The following UBE2O variants were observed in gnomAD, a reference collection of about 807,000 sequenced individuals.
The protein encoded by UBE2O is ubiquitin conjugating enzyme E2 O.
UBE2O carries 15 observed loss-of-function variants against 125.8 expected under a neutral mutation model. The observed-to-expected ratio is 0.12, with a 90% CI of 0.08 to 0.18. UBE2O has a LOEUF of 0.18. Among genes scored for constraint, UBE2O ranks in the 10% least tolerant of loss-of-function variants. UBE2O has a pLI of 1.00. For missense variants in UBE2O, 1,280 were observed against 1,723.6 expected (o/e 0.74, Z 4.56); for synonymous variants, 708 against 703.2 (o/e 1.01, Z -0.11).
rs762364751 is a variant in UBE2O at position 76,404,048 on chromosome 17, A to G, written c.588+1158T>C. Among the ~76,000 whole-genome samples, 10 of 152,366 alleles carry G rather than the reference A, an allele frequency of 6.6e-5. No individual in the cohort carries two copies. In the South Asian group the frequency reaches 1.0e-3, roughly 16 times the overall value. Reference sequence around the variant, plus strand: ...AGGGCAGAAGATAAAGCTCTTCTACAGAGCAGAATGCCAGCTAAAAGAAAT... The same window carrying G: ...AGGGCAGAAGATAAAGCTCTTCTACGGAGCAGAATGCCAGCTAAAAGAAAT... On this transcript the variant is annotated intron_variant, in intron 3 of 17. Transcript: ENST00000319380. The surrounding 1 kb of genome is among the most constrained non-coding windows in gnomAD (Gnocchi z 4.3).
intron 1 of UBE2O, among the ~76,000 whole-genome samples, chr17:76,408,104 CA>C (rs889031858): frequency 1.3e-5 from 2 of 152,164 alleles, no homozygotes; most frequent in Non-Finnish European, 2.9e-5. Context: ...TGGCTTTCTC[CA>C]AATAAGCCCA....
At chr17:76,416,114 CAT>C (rs1419484364) in intron 1 of UBE2O, among the ~76,000 whole-genome samples, 20 of 150,724 alleles carry the variant, frequency 1.3e-4, no homozygotes, top group African/African-American at 3.4e-4. Flanking sequence ...TATGTGTATA[CAT>C]ATATACATAT....
At chr17:76,406,824 C>T (rs897331594) in intron 1 of UBE2O, among the ~76,000 whole-genome samples, 8 of 151,602 alleles carry the variant, frequency 5.3e-5, no homozygotes, top group South Asian at 2.1e-4. Flanking sequence ...CTCAGCCTCC[C>T]GAGTAGGTGG....
In UBE2O at chr17:76,399,924, G is replaced by A. The variant is rs759381468; in HGVS notation, c.1156-3C>T. 6 of 1,595,786 alleles carry A rather than the reference G, an allele frequency of 3.8e-6. No homozygotes were observed. In the South Asian group the frequency reaches 4.6e-5, roughly 12 times the overall value. ...TGCTTCTTCAACAGGCGCTTCACCT[G>A]CAAGGGCGGAGCAGAGAGGACAGGG... On this transcript the variant is annotated splice_polypyrimidine_tract_variant and splice_region_variant and intron_variant, in intron 8 of 17. Coordinates refer to ENST00000319380, the MANE Select transcript of UBE2O (RefSeq NM_022066.4). This position sits in a 1 kb window ranked among gnomAD's most constrained non-coding sequence, Gnocchi z 6.9.
chr17:76,450,623 T>C (rs918149449), intron 1 of UBE2O, among the ~76,000 whole-genome samples: 3 of 151,958 alleles, frequency 2.0e-5, no homozygotes, highest in Admixed American at 6.6e-5. Flanking sequence ...TTGTTGTTTT[T>C]TTTTTCTTTT....
At chr17:76,425,187 T>C (rs2072787261) in intron 1 of UBE2O, among the ~76,000 whole-genome samples, 1 of 146,980 alleles carries the variant, frequency 6.8e-6, no homozygotes, top group South Asian at 2.1e-4. Context: ...TTTCTTTTAA[T>C]GTTTTTAAAA....
rs926647344 is a variant in UBE2O, at chr17:76,402,430, C to T, written c.686+172G>A. The stretch of plus-strand genomic sequence containing the variant: ...CAGAAACTGAGCAACAGAAATAGGC[C>T]ACGGCAGATAAGGAGAACGGTACAG... On this transcript the variant is annotated intron_variant, in intron 4 of 17. Transcript: ENST00000319380. The surrounding 1 kb of genome is among the most constrained non-coding windows in gnomAD (Gnocchi z 5.4). 5.3e-5 allele frequency among the ~76,000 whole-genome samples: 8 copies of T among 152,142 alleles called. No individual in the cohort carries two copies. The highest frequency in any genetic ancestry group is 3.9e-4 in the Admixed American group (6 of 15,270).
At position 76,399,704 on chromosome 17, in the gene UBE2O, T is replaced by C; in HGVS notation, c.1373A>G (p.Glu458Gly). The change falls in exon 9 of 18, where the codon GAG becomes GGG. Residue 458 changes from glutamate to glycine, a missense_variant. Around this residue, in one of 10 missense-constraint regions of UBE2O, gnomAD observed 141 missense variants for 141.3 expected, o/e 1.00. Coordinates refer to ENST00000319380, the MANE Select transcript of UBE2O (RefSeq NM_022066.4). This position sits in a 1 kb window ranked among gnomAD's most constrained non-coding sequence, Gnocchi z 6.9. ...TTTTAGCAGGAATGGGGGCAGCTGC[T>C]CTCCTGCCTCGTGGGGCTCCTCTGC... ...EGAEEPHEAGEQLPPFLLKEG... is the reference protein window; with the variant it reads ...EGAEEPHEAGGQLPPFLLKEG... 6.2e-7 allele frequency: 1 copy of C among 1,614,118 alleles called. No individual in the cohort carries two copies.
Position 76,405,711 on chromosome 17 carries a change from C to A in UBE2O, c.418-139G>T, listed in dbSNP as rs1444248893. 2.7e-6 allele frequency: 2 copies of A among 746,094 alleles called. No individual in the cohort carries two copies. The highest frequency in any genetic ancestry group is 4.4e-6 in the Non-Finnish European group (2 of 450,528). The allele number at this position is 746,094 out of a possible 1,614,324, so 46.2% of individuals were successfully genotyped here. On this transcript the variant is annotated intron_variant, in intron 1 of 17. Transcript: ENST00000319380. The surrounding 1 kb of genome is among the most constrained non-coding windows in gnomAD (Gnocchi z 6.1). Reference sequence around the variant, plus strand: ...CTAAGCGTTTGGCTAGCAGTATCTTCACAGACCGCACACACCTCCGACCAG... The same window carrying A: ...CTAAGCGTTTGGCTAGCAGTATCTTAACAGACCGCACACACCTCCGACCAG...
At chr17:76,422,169 G>A (rs972044097) in intron 1 of UBE2O, among the ~76,000 whole-genome samples, 16 of 152,266 alleles carry the variant, frequency 1.1e-4, no homozygotes, top group East Asian at 5.8e-4. Flanking sequence ...CTCTCTCTCC[G>A]GCTTTTCCTC....
rs182922939 is a variant in UBE2O at position 76,395,382 on chromosome 17, C to T, written c.2946+343G>A. 683 of 161,898 alleles carry T rather than the reference C, an allele frequency of 4.2e-3. 11 individuals carry two copies. Among genetic ancestry groups the T allele is most frequent in the African/African-American group, 0.016 (640 of 40,840 alleles). 10.0% of individuals were successfully genotyped at this position (161,898 alleles called of 1,614,324 possible). ...ATTTTTTTTTTTTTTTTAGTGGAGA[C>T]GGGGTTTCACTGTGTTAGCCAGGAT... On this transcript the variant is annotated intron_variant, in intron 15 of 17. Transcript: ENST00000319380. This position sits in a 1 kb window ranked among gnomAD's most constrained non-coding sequence, Gnocchi z 5.0.
At position 76,398,541 on chromosome 17, in the gene UBE2O, A is replaced by C; in HGVS notation, c.1827T>G (p.Ser609=). 1.9e-6 allele frequency: 3 copies of C among 1,614,118 alleles called. 1 individual carries two copies. Among genetic ancestry groups the C allele is most frequent in the Non-Finnish European group, 1.7e-6 (2 of 1,180,020 alleles). ...TGCAGGTACGGCCGATGTGGTCCCC[A>C]GACTGTACCACACCGTAGACAGCAG... ...PDPAVYGVVQ[S]GDHIGRTCMV... is the part of the protein sequence containing the mutation. Residue 609 remains serine, a synonymous_variant, in exon 11 of 18, where the codon TCT becomes TCG. Coordinates refer to ENST00000319380, the MANE Select transcript of UBE2O (RefSeq NM_022066.4). The surrounding 1 kb of genome is among the most constrained non-coding windows in gnomAD (Gnocchi z 5.4).
In UBE2O at chr17:76,398,027, C is replaced by A. The variant is rs556780516; in HGVS notation, c.2026-139G>T. Reference sequence around the variant, plus strand: ...TAGCTCCTCTGGTAAATGTAACCAGCGGCAGCTCAAGAAGCCTGACCCCAG... The same window carrying A: ...TAGCTCCTCTGGTAAATGTAACCAGAGGCAGCTCAAGAAGCCTGACCCCAG... On this transcript the variant is annotated intron_variant, in intron 12 of 17. Transcript: ENST00000319380. This position sits in a 1 kb window ranked among gnomAD's most constrained non-coding sequence, Gnocchi z 5.4. 1 of 1,055,208 alleles carries A rather than the reference C, an allele frequency of 9.5e-7. No individual in the cohort carries two copies. Among genetic ancestry groups the A allele is most frequent in the Non-Finnish European group, 1.4e-6 (1 of 721,300 alleles). The allele number at this position is 1,055,208 out of a possible 1,614,324, so 65.4% of individuals were successfully genotyped here. A position where few individuals can be genotyped will look rare whatever the true frequency, so the allele number is the denominator to read the frequency against.
intron 1 of UBE2O, among the ~76,000 whole-genome samples, chr17:76,415,830 C>T (rs1035821006): frequency 5.6e-5 from 6 of 107,964 alleles, no homozygotes; most frequent in East Asian, 3.3e-4. Context: ...TGTGTGTGTG[C>T]ATACACATAT....
chr17:76,447,702 T>A (rs1018656351), intron 1 of UBE2O, among the ~76,000 whole-genome samples: 2 of 152,178 alleles, frequency 1.3e-5, no homozygotes, highest in African/African-American at 4.8e-5. Flanking sequence ...AAGTCAAACC[T>A]ATAATCCATC....
intron 1 of UBE2O, among the ~76,000 whole-genome samples, chr17:76,437,174 G>A (rs919229070): frequency 6.6e-5 from 10 of 150,408 alleles, no homozygotes; most frequent in Non-Finnish European, 1.5e-4. Context: ...AAGGTGGCAG[G>A]GCACAGTGGC....
rs916585323 is a variant in UBE2O, at chr17:76,389,511, A to C, written c.*1432T>G. ...CCTTGTCTTGCTAATGAGCCAACAC[A>C]AAAAAAAAAAAAAAAAAAAATGCAA... On this transcript the variant is annotated 3_prime_UTR_variant, in exon 18 of 18. Transcript: ENST00000319380. 1.3e-4 allele frequency: 6 copies of C among 45,374 alleles called. No homozygotes were observed. The highest frequency in any genetic ancestry group is 3.8e-4 in the Admixed American group (2 of 5,210). 2.8% of individuals were successfully genotyped at this position (45,374 alleles called of 1,614,324 possible).
At chr17:76,436,577 C>A (rs1295897013) in intron 1 of UBE2O, among the ~76,000 whole-genome samples, 1 of 152,108 alleles carries the variant, frequency 6.6e-6, no homozygotes, top group Non-Finnish European at 1.5e-5. Context: ...ACGATGCCTC[C>A]AGGCCCCTGC....
chr17:76,449,044 C>T (rs533088900), intron 1 of UBE2O, among the ~76,000 whole-genome samples: 21 of 152,346 alleles, frequency 1.4e-4, no homozygotes, highest in East Asian at 5.8e-4. Flanking sequence ...CTCAGGAACA[C>T]GACAAATTCC....
Sources: allele counts gnomAD v4.1 joint callset (sites outside exome capture counted in the v4.1 genomes callset), GRCh38; gene constraint gnomAD v4.1.1; regional missense constraint gnomAD v4.1.1; non-coding constraint Gnocchi (gnomAD v3.1); transcripts MANE v1.5; gene names NCBI Gene and HGNC (gene_info 2026-07-23, HGNC 2026-07-21).